Variants in CACNA1H observed in about 807,000 individuals in gnomAD.
CACNA1H encodes calcium voltage-gated channel subunit alpha1 H, also known as voltage-dependent T-type calcium channel subunit alpha-1H.
In CACNA1H, 149 loss-of-function variants were observed where a neutral mutation model predicts 192.5. The observed-to-expected ratio is 0.77, with a 90% CI of 0.68 to 0.89. CACNA1H has a LOEUF of 0.89. CACNA1H is among the 40% of genes least tolerant of loss of function. The probability of loss-of-function intolerance (pLI) is 0.00; values close to 1 mark genes in which losing one functional copy is unlikely to be tolerated. For synonymous variants in CACNA1H, 2,202 were observed against 1,475.2 expected, an observed-to-expected ratio of 1.49 and a Z score of -11.29; for missense variants, 4,257 against 3,423.5, an observed-to-expected ratio of 1.24 and a Z score of -6.08.
At chr16:1,216,161 A>G (rs75197420) in intron 30 of CACNA1H, among the ~76,000 whole-genome samples, 8,034 of 151,914 alleles carry the variant, frequency 0.053, 415 homozygotes, top group African/African-American at 0.13. Flanking sequence ...ACGGCTGCCT[A>G]TGCACCCGGC....
In CACNA1H at chr16:1,209,894, C is replaced by T. The variant is rs1402497113; in HGVS notation, c.3745-141C>T. 4.5e-6 allele frequency: 3 copies of T among 665,052 alleles called. No individual in the cohort carries two copies. In the African/African-American group the frequency reaches 5.5e-5, roughly 12 times the overall value. 41.2% of individuals were successfully genotyped at this position (665,052 alleles called of 1,614,324 possible). The stretch of plus-strand genomic sequence containing the variant: ...GCCCCAGAGGCCAGAAAGCCAGAGC[C>T]CAAAGGCCAGCGGGTGAGGAGTGAG... On this transcript the variant is annotated intron_variant, in intron 17 of 34. Transcript: ENST00000348261.
At chr16:1,191,188 GTC>G (rs777941871) in intron 2 of CACNA1H, among the ~76,000 whole-genome samples, 4 of 92,668 alleles carry the variant, frequency 4.3e-5, no homozygotes, top group African/African-American at 1.9e-4. Flanking sequence ...CACACTCGGG[GTC>G]TCTCTTACTC....
At chr16:1,206,840 A>G in intron 12 of CACNA1H, 161 bp from the exon 13 acceptor site, 1 of 574,718 alleles carries the variant, frequency 1.7e-6, no homozygotes, top group South Asian at 2.0e-5. Context: ...CTTTTAAGCT[A>G]GAGAGCTCGG....
intron 33 of CACNA1H, 103 bp from the exon 34 acceptor site, chr16:1,218,867 C>T: frequency 7.5e-7 from 1 of 1,334,614 alleles, no homozygotes; most frequent in Non-Finnish European, 1.0e-6. Flanking sequence ...CTGGGGCTGG[C>T]CAGGAAGGAG....
intron 6 of CACNA1H, chr16:1,198,999 C>G (rs1205507856): frequency 1.1e-5 from 6 of 563,084 alleles, no homozygotes; most frequent in Admixed American, 3.1e-5. Context: ...TGGCTCCGCC[C>G]ACGGTGCAGT....
At position 1,201,521 on chromosome 16, in the gene CACNA1H, C is replaced by T. The variant is rs546957849; in HGVS notation, c.1213-142C>T. The T allele has an allele frequency of 1.1e-5, 11 of 1,022,328 alleles. No individual in the cohort carries two copies. In the African/African-American group the frequency reaches 1.3e-4, roughly 12 times the overall value. The allele number at this position is 1,022,328 out of a possible 1,614,324, so 63.3% of individuals were successfully genotyped here. ...CGTGGGGGCTCAGCACTGAACACCG[C>T]AGCAGCCTGCCCATAGCAGGGCACC... On this transcript the variant is annotated intron_variant, in intron 8 of 34. Transcript: ENST00000348261.
At chr16:1,189,662 A>G (rs1055012740) in intron 2 of CACNA1H, among the ~76,000 whole-genome samples, 5 of 151,606 alleles carry the variant, frequency 3.3e-5, no homozygotes, top group Admixed American at 6.6e-5. Flanking sequence ...GTTCCAAATG[A>G]TCCTCCTGCC....
intron 6 of CACNA1H, among the ~76,000 whole-genome samples, 189 bp from the exon 7 acceptor site, chr16:1,200,067 G>A (rs1243683552): frequency 1.3e-5 from 2 of 152,020 alleles, no homozygotes; most frequent in Non-Finnish European, 2.9e-5. Flanking sequence ...CCCCTGATCC[G>A]GGTCTTGACC....
Position 1,180,496 on chromosome 16 carries a change from C to T in CACNA1H, c.300-14476C>T, listed in dbSNP as rs1050210568. On this transcript the variant is annotated intron_variant, in intron 2 of 34. Coordinates refer to ENST00000348261, the MANE Select transcript of CACNA1H (RefSeq NM_021098.3). This position sits in a 1 kb window ranked among gnomAD's most constrained non-coding sequence, Gnocchi z 4.4. ...AGGGTGGGCCTGTGTCCTGGTGTCC[C>T]TGGCGTCCCCATACCCCCTCCGAGG... 6.6e-6 allele frequency among the ~76,000 whole-genome samples: 1 copy of T among 152,110 alleles called. No homozygotes were observed. Among genetic ancestry groups the T allele is most frequent in the Non-Finnish European group, 1.5e-5 (1 of 67,990 alleles).
chr16:1,201,930 G>T lies in CACNA1H; in HGVS notation c.1480G>T (p.Ala494Ser). 1 of 1,549,582 alleles carries T rather than the reference G, an allele frequency of 6.5e-7. No individual in the cohort carries two copies. The highest frequency in any genetic ancestry group is 8.7e-7 in the Non-Finnish European group (1 of 1,146,646). ...SRWRKKVDPS[A>S]VQGQGPGHRQ... ...CTGGCGCAAGAAGGTGGACCCCAGT[G>T]CTGTGCAAGGCCAGGGTCCCGGGCA... Residue 494 changes from alanine to serine, a missense_variant, in exon 9 of 35, where the codon GCT (alanine) becomes TCT (serine). Coordinates refer to ENST00000348261, the MANE Select transcript of CACNA1H (RefSeq NM_021098.3).
chr16:1,211,577 C>T lies in CACNA1H; in HGVS notation c.4447C>T (p.Arg1483Cys). Residue 1483 changes from arginine (R) to cysteine (C), a missense_variant, in exon 23 of 35, where the codon CGC becomes TGC. Transcript: ENST00000348261. The stretch of plus-strand genomic sequence containing the variant: ...GGCCGCCCACTACCGCTGGGTGCGA[C>T]GCAAGTACAACTTCGACAACCTGGG... The part of the protein sequence containing the change: ...CRAAHYRWVR[R>C]KYNFDNLGQA... 2.5e-6 allele frequency: 4 copies of T among 1,610,596 alleles called. No homozygotes were observed. Among genetic ancestry groups the T allele is most frequent in the African/African-American group, 1.3e-5 (1 of 74,972 alleles).
chr16:1,221,085 A>C lies in CACNA1H; in HGVS notation c.*91A>C, dbSNP rs1222461712. On this transcript the variant is annotated 3_prime_UTR_variant, in exon 35 of 35. Transcript: ENST00000348261. ...CAGGCAGAACCCTGCATGGACCCTG[A>C]CTTGGGTCCCGTCGTGAGCAGAAAG... The C allele has an allele frequency of 1.0e-6, 1 of 1,002,680 alleles. No individual in the cohort carries two copies. Among genetic ancestry groups the C allele is most frequent in the Non-Finnish European group, 1.4e-6 (1 of 695,384 alleles). 62.1% of individuals were successfully genotyped at this position (1,002,680 alleles called of 1,614,324 possible). A position where few individuals can be genotyped will look rare whatever the true frequency, so the allele number is the denominator to read the frequency against.
intron 2 of CACNA1H, among the ~76,000 whole-genome samples, chr16:1,164,649 A>G (rs1193160264): frequency 1.3e-5 from 2 of 152,248 alleles, no homozygotes; most frequent in East Asian, 3.8e-4. Context: ...AATGGGGCAC[A>G]GTTAAAACCT....
In CACNA1H at chr16:1,180,917, C is replaced by T. The variant is rs1245404913; in HGVS notation, c.300-14055C>T. On this transcript the variant is annotated intron_variant, in intron 2 of 34. Coordinates refer to ENST00000348261, the MANE Select transcript of CACNA1H (RefSeq NM_021098.3). This position sits in a 1 kb window ranked among gnomAD's most constrained non-coding sequence, Gnocchi z 4.4. Reference sequence around the variant, plus strand: ...GGGCCGCGTTGGCAGGGGCTCACCCCGTCTTCCCGCAGGAAAGCGCCTTGG... The same window carrying T: ...GGGCCGCGTTGGCAGGGGCTCACCCTGTCTTCCCGCAGGAAAGCGCCTTGG... Among the ~76,000 whole-genome samples, 4 of 152,220 alleles carry T rather than the reference C, an allele frequency of 2.6e-5. No individual in the cohort carries two copies. The highest frequency in any genetic ancestry group is 2.1e-4 in the South Asian group (1 of 4,836).
At chr16:1,203,801 C>A (rs75978956) in intron 9 of CACNA1H, among the ~76,000 whole-genome samples, 12 of 152,192 alleles carry the variant, frequency 7.9e-5, no homozygotes, top group East Asian at 1.9e-4. Flanking sequence ...CTCCCTACTC[C>A]GGGATAGCTT....
At chr16:1,200,836 G>A (rs370729689) in intron 8 of CACNA1H, 28 bp downstream of exon 8, 17 of 1,526,326 alleles carry the variant, frequency 1.1e-5, no homozygotes, top group Middle Eastern at 1.7e-4. Flanking sequence ...TGTTCGCCAT[G>A]ATGGGCCCTG....
intron 33 of CACNA1H, 98 bp downstream of exon 33, chr16:1,218,749 G>T: frequency 1.6e-6 from 2 of 1,287,348 alleles, no homozygotes. Context: ...GCCAGAGCAG[G>T]GCAAGAGGAA....
intron 2 of CACNA1H, among the ~76,000 whole-genome samples, chr16:1,187,527 T>TG (rs1190314043): frequency 6.6e-6 from 1 of 152,190 alleles, no homozygotes; most frequent in Admixed American, 6.5e-5. Context: ...TTTGGCCTAA[T>TG]GGGGCTCAGC....
rs965346539 is a variant in CACNA1H at position 1,167,415 on chromosome 16, C to G, written c.299+13379C>G. Among the ~76,000 whole-genome samples the G allele has an allele frequency of 1.3e-5, 2 of 152,162 alleles. No homozygotes were observed. Among genetic ancestry groups the G allele is most frequent in the Non-Finnish European group, 1.5e-5 (1 of 68,020 alleles). On this transcript the variant is annotated intron_variant, in intron 2 of 34. Transcript: ENST00000348261. This position sits in a 1 kb window ranked among gnomAD's most constrained non-coding sequence, Gnocchi z 4.2. Reference sequence around the variant, plus strand: ...GCGTGTGTGTTTGCACGGCATCCATCCCTCCATCCGTCCTCTGGAGAATTT... The same window carrying G: ...GCGTGTGTGTTTGCACGGCATCCATGCCTCCATCCGTCCTCTGGAGAATTT...
Sources: gnomAD v4.1 joint callset for allele counts (sites outside exome capture counted in the v4.1 genomes callset) on GRCh38, gnomAD v4.1.1 for gene constraint, Gnocchi (gnomAD v3.1) non-coding constraint, MANE v1.5 for transcripts, NCBI Gene and HGNC (gene_info 2026-07-23, HGNC 2026-07-21) for gene names.